CNTN5: variants seen among roughly 807,000 people sequenced by gnomAD.
CNTN5 encodes the protein contactin 5.
Under a neutral mutation model 129.1 loss-of-function variants are expected in CNTN5, and 77 were observed. That is an observed-to-expected ratio of 0.60 (90% CI 0.50 to 0.72). The LOEUF (loss-of-function observed/expected upper bound fraction) is 0.72, where lower values mean the gene tolerates loss of function less well. Among genes scored for constraint, CNTN5 ranks in the 30% least tolerant of loss-of-function variants. CNTN5 has a pLI of 0.00. For missense variants in CNTN5, 1,478 were observed against 1,328.8 expected (o/e 1.11, Z -1.75); for synonymous variants, 509 against 465.6 (o/e 1.09, Z -1.20).
intron 2 of CNTN5, among the ~76,000 whole-genome samples, chr11:99,406,475 C>G (rs1206416825): frequency 1.3e-5 from 2 of 152,038 alleles, no homozygotes; most frequent in Non-Finnish European, 2.9e-5. Flanking sequence ...GTGGCCACTG[C>G]TCCTAGGACT....
chr11:100,153,789 G>T (rs1033269396), intron 13 of CNTN5, among the ~76,000 whole-genome samples: 1 of 151,854 alleles, frequency 6.6e-6, no homozygotes. Flanking sequence ...TTTGATGACC[G>T]TATATAAATT....
chr11:99,198,714 C>T (rs779531955), intron 1 of CNTN5, among the ~76,000 whole-genome samples: 1 of 152,032 alleles, frequency 6.6e-6, no homozygotes, highest in Non-Finnish European at 1.5e-5. Context: ...TGGGTACTGG[C>T]ACTTTTGTAA....
rs554971544 is a variant in CNTN5, at chr11:100,202,596, CTTAA to C, written c.1884+8936_1884+8939del. Among the ~76,000 whole-genome samples the C allele has an allele frequency of 7.3e-3, 1,101 of 151,010 alleles. 22 individuals are homozygous for C. The highest frequency in any genetic ancestry group is 0.025 in the African/African-American group (1,048 of 41,276). On this transcript the variant is annotated intron_variant, in intron 15 of 24. Coordinates refer to ENST00000524871, the MANE Select transcript of CNTN5 (RefSeq NM_014361.4). ...GCCGTATAAGTCAGATTATTAAAACCTTAATTGTTTGTTTTATAATAAGTTTGAA... is the reference window on the plus strand; with the variant it reads ...GCCGTATAAGTCAGATTATTAAAACCTTGTTTGTTTTATAATAAGTTTGAA...
At chr11:100,336,322 A>C (rs1952038084) in intron 21 of CNTN5, among the ~76,000 whole-genome samples, 1 of 152,238 alleles carries the variant, frequency 6.6e-6, no homozygotes, top group Admixed American at 6.5e-5. Flanking sequence ...TTTTAATTAA[A>C]AGAGCAATAA....
At chr11:100,213,433 G>A (rs1044400716) in intron 15 of CNTN5, among the ~76,000 whole-genome samples, 1 of 152,126 alleles carries the variant, frequency 6.6e-6, no homozygotes, top group Non-Finnish European at 1.5e-5. Context: ...ATGAGCAGTA[G>A]TAGAATATGG....
intron 3 of CNTN5, among the ~76,000 whole-genome samples, chr11:99,704,013 A>G (rs571071167): frequency 9.9e-5 from 15 of 151,128 alleles, no homozygotes; most frequent in African/African-American, 3.4e-4. Flanking sequence ...TAAGCACCAT[A>G]ATAAATGAAG....
At chr11:99,354,010 G>A (rs900316908) in intron 2 of CNTN5, among the ~76,000 whole-genome samples, 3 of 152,028 alleles carry the variant, frequency 2.0e-5, no homozygotes, top group East Asian at 1.9e-4. Context: ...TCCAGTAGAT[G>A]GTCTAAATTC....
intron 21 of CNTN5, among the ~76,000 whole-genome samples, chr11:100,334,479 A>C (rs1289039527): frequency 6.6e-6 from 1 of 152,166 alleles, no homozygotes; most frequent in Non-Finnish European, 1.5e-5. Context: ...ATACTTGCAC[A>C]CACGTTTATA....
chr11:99,058,253 C>T (rs557157687), intron 1 of CNTN5, among the ~76,000 whole-genome samples: 2 of 151,966 alleles, frequency 1.3e-5, no homozygotes, highest in Non-Finnish European at 2.9e-5. Flanking sequence ...AGTTTTTATA[C>T]ATCAAGTTTG....
At chr11:99,424,078 A>G (rs1339403188) in intron 2 of CNTN5, among the ~76,000 whole-genome samples, 1 of 152,182 alleles carries the variant, frequency 6.6e-6, no homozygotes, top group Non-Finnish European at 1.5e-5. Flanking sequence ...ACGTACATAC[A>G]TACATACATA....
At chr11:99,498,681 T>G (rs531316236) in intron 2 of CNTN5, among the ~76,000 whole-genome samples, 1 of 152,314 alleles carries the variant, frequency 6.6e-6, no homozygotes, top group African/African-American at 2.4e-5. Flanking sequence ...ATCTCATACC[T>G]GTGTCACCAG....
At chr11:99,658,459 T>C (rs1462905680) in intron 3 of CNTN5, among the ~76,000 whole-genome samples, 3 of 152,096 alleles carry the variant, frequency 2.0e-5, no homozygotes, top group Non-Finnish European at 4.4e-5. Flanking sequence ...TCTCAGGCAA[T>C]GTCTGATAAT....
At chr11:99,248,110 T>C (rs376803421) in intron 1 of CNTN5, among the ~76,000 whole-genome samples, 7 of 152,042 alleles carry the variant, frequency 4.6e-5, no homozygotes, top group Non-Finnish European at 8.8e-5. Context: ...TCTCCACATC[T>C]TCTCCAGCAC....
At chr11:99,332,856 G>C (rs1866059043) in intron 2 of CNTN5, among the ~76,000 whole-genome samples, 1 of 152,052 alleles carries the variant, frequency 6.6e-6, no homozygotes, top group African/African-American at 2.4e-5. Flanking sequence ...TAAATTTTAA[G>C]AGGCGATAGC....
At chr11:99,963,477 G>A (rs1951007995) in intron 8 of CNTN5, among the ~76,000 whole-genome samples, 1 of 152,034 alleles carries the variant, frequency 6.6e-6, no homozygotes, top group Non-Finnish European at 1.5e-5. Context: ...TAGATATGCA[G>A]CATTATTTCT....
intron 3 of CNTN5, among the ~76,000 whole-genome samples, chr11:99,691,406 A>C (rs1259246724): frequency 2.6e-5 from 4 of 152,192 alleles, no homozygotes; most frequent in African/African-American, 9.6e-5. Flanking sequence ...TTTCCCTCTT[A>C]ACACTGTGGT....
Position 100,350,567 on chromosome 11 carries a change from T to C in CNTN5, c.3031-135T>C, listed in dbSNP as rs368700919. ...TACTTCTACTGCAGTAGACTGCACA[T>C]GTATTACATTTGCTTATGTATCTGT... On this transcript the variant is annotated intron_variant, in intron 23 of 24. Coordinates refer to ENST00000524871, the MANE Select transcript of CNTN5 (RefSeq NM_014361.4). 6.8e-4 allele frequency: 398 copies of C among 581,630 alleles called. 4 individuals carry two copies. Among genetic ancestry groups the C allele is most frequent in the South Asian group, 5.3e-3 (188 of 35,470 alleles). The allele number at this position is 581,630 out of a possible 1,614,324, so 36.0% of individuals were successfully genotyped here.
intron 1 of CNTN5, among the ~76,000 whole-genome samples, chr11:99,107,404 A>G (rs1867046965): frequency 6.6e-6 from 1 of 152,130 alleles, no homozygotes; most frequent in East Asian, 1.9e-4. Context: ...AAATGTATGG[A>G]GTATCTCTAT....
At chr11:99,265,259 A>C (rs1211237796) in intron 1 of CNTN5, among the ~76,000 whole-genome samples, 1 of 152,076 alleles carries the variant, frequency 6.6e-6, no homozygotes, top group African/African-American at 2.4e-5. Flanking sequence ...GGAAATAGTC[A>C]CACATATTGT....
Sources: gnomAD v4.1 joint callset for allele counts (sites outside exome capture counted in the v4.1 genomes callset) on GRCh38, gnomAD v4.1.1 for gene constraint, MANE v1.5 for transcripts, NCBI Gene and HGNC (gene_info 2026-07-23, HGNC 2026-07-21) for gene names.